Variants in EPHB1 observed in about 807,000 individuals in gnomAD.
The protein encoded by EPHB1 is ephrin type-B receptor 1.
Under a neutral mutation model 94.4 loss-of-function variants are expected in EPHB1, and 30 were observed. The observed-to-expected ratio is 0.32, with a 90% CI of 0.24 to 0.43. The LOEUF (loss-of-function observed/expected upper bound fraction) is 0.43, where lower values mean the gene tolerates loss of function less well. Ranked by LOEUF, EPHB1 falls within the 20% of genes least tolerant of loss-of-function variation. The pLI is 1.00. For missense variants in EPHB1, 1,055 were observed against 1,308.3 expected, an observed-to-expected ratio of 0.81 and a Z score of 2.99; for synonymous variants, 522 against 489.1, an observed-to-expected ratio of 1.07 and a Z score of -0.89.
intron 3 of EPHB1, among the ~76,000 whole-genome samples, chr3:135,077,905 A>T (rs1938003222): frequency 6.6e-6 from 1 of 152,242 alleles, no homozygotes; most frequent in Non-Finnish European, 1.5e-5. Context: ...ATTTACTTCC[A>T]TGTATAAACA....
intron 1 of EPHB1, among the ~76,000 whole-genome samples, chr3:134,906,249 G>A (rs1281527888): frequency 6.6e-6 from 1 of 152,222 alleles, no homozygotes; most frequent in East Asian, 1.9e-4. Context: ...CGAGGGGATA[G>A]CATCATAGAT....
intron 11 of EPHB1, among the ~76,000 whole-genome samples, chr3:135,194,948 C>T (rs1433109940): frequency 6.6e-6 from 1 of 152,196 alleles, no homozygotes; most frequent in Non-Finnish European, 1.5e-5. Flanking sequence ...CTCTCACTGT[C>T]CTTGCTGCCA....
intron 3 of EPHB1, among the ~76,000 whole-genome samples, chr3:135,030,567 G>A (rs1483777663): frequency 6.6e-6 from 1 of 152,212 alleles, no homozygotes; most frequent in Non-Finnish European, 1.5e-5. Flanking sequence ...CACTTGAGGA[G>A]GCAGTCTGCC....
chr3:134,922,907 G>T (rs1443571722), intron 1 of EPHB1, among the ~76,000 whole-genome samples: 1 of 152,240 alleles, frequency 6.6e-6, no homozygotes, highest in Non-Finnish European at 1.5e-5. Context: ...TCCGCCACAA[G>T]GATTCAGTTG....
chr3:135,003,383 G>A (rs572497749), intron 3 of EPHB1, among the ~76,000 whole-genome samples: 61 of 151,682 alleles, frequency 4.0e-4, no homozygotes, highest in East Asian at 3.9e-3. Context: ...TTCCAAGTAT[G>A]TGGTCAATTT....
intron 12 of EPHB1, among the ~76,000 whole-genome samples, chr3:135,232,032 G>T (rs558525123): frequency 2.6e-5 from 4 of 152,294 alleles, no homozygotes; most frequent in African/African-American, 9.6e-5. Flanking sequence ...GGGGAACTGG[G>T]AACAGCCTCT....
At chr3:134,835,884 G>T (rs927251742) in intron 1 of EPHB1, among the ~76,000 whole-genome samples, 1 of 152,164 alleles carries the variant, frequency 6.6e-6, no homozygotes, top group African/African-American at 2.4e-5. Context: ...TGCCCTGTGG[G>T]GTCCTTTGGT....
chr3:135,023,670 T>G (rs567382890), intron 3 of EPHB1, among the ~76,000 whole-genome samples: 1 of 152,364 alleles, frequency 6.6e-6, no homozygotes, highest in African/African-American at 2.4e-5. Context: ...TTTATGTTTT[T>G]AAATTTCACT....
intron 2 of EPHB1, among the ~76,000 whole-genome samples, chr3:134,930,893 T>C (rs1170554162): frequency 6.6e-6 from 1 of 152,206 alleles, no homozygotes. Flanking sequence ...GTAAGTTAAA[T>C]AACTGTTGAT....
intron 2 of EPHB1, among the ~76,000 whole-genome samples, chr3:134,931,874 GTATA>G (rs1297012362): frequency 6.6e-6 from 1 of 151,986 alleles, no homozygotes. Flanking sequence ...CTATGTGTCT[GTATA>G]TATGCATACA....
chr3:135,104,398 A>T (rs1000270093), intron 3 of EPHB1, among the ~76,000 whole-genome samples: 2 of 152,196 alleles, frequency 1.3e-5, no homozygotes, highest in African/African-American at 4.8e-5. Flanking sequence ...TTCATGTTTG[A>T]TGTGTTAGAT....
intron 12 of EPHB1, among the ~76,000 whole-genome samples, chr3:135,223,684 A>G (rs1487531965): frequency 6.6e-6 from 1 of 152,234 alleles, no homozygotes; most frequent in Non-Finnish European, 1.5e-5. Context: ...GCTTCTCTAT[A>G]AAAACAACTT....
At chr3:134,809,071 C>T (rs1177178709) in intron 1 of EPHB1, among the ~76,000 whole-genome samples, 1 of 152,236 alleles carries the variant, frequency 6.6e-6, no homozygotes, top group Non-Finnish European at 1.5e-5. Flanking sequence ...CCTTCTTTTT[C>T]ACTATTTCAA....
At chr3:134,986,037 T>C (rs1378817609) in intron 3 of EPHB1, among the ~76,000 whole-genome samples, 1 of 152,126 alleles carries the variant, frequency 6.6e-6, no homozygotes, top group Non-Finnish European at 1.5e-5. Flanking sequence ...TCACTCCCAA[T>C]AACTTGGGAA....
intron 5 of EPHB1, among the ~76,000 whole-genome samples, chr3:135,140,558 A>G (rs917557792): frequency 2.6e-5 from 4 of 152,234 alleles, no homozygotes; most frequent in African/African-American, 4.8e-5. Flanking sequence ...TTCCTTTATC[A>G]GGCACCTTTG....
At chr3:135,039,298 C>T (rs1031445360) in intron 3 of EPHB1, among the ~76,000 whole-genome samples, 1 of 152,220 alleles carries the variant, frequency 6.6e-6, no homozygotes. Flanking sequence ...GGTGTATTTA[C>T]AATCCCTGAG....
intron 1 of EPHB1, among the ~76,000 whole-genome samples, chr3:134,857,580 G>A (rs2037150602): frequency 2.0e-5 from 3 of 152,210 alleles, no homozygotes; most frequent in South Asian, 4.2e-4. Context: ...GGCCTGGTGG[G>A]TACTGTGGTT....
chr3:135,098,415 A>G (rs1938890403), intron 3 of EPHB1, among the ~76,000 whole-genome samples: 1 of 152,116 alleles, frequency 6.6e-6, no homozygotes, highest in Admixed American at 6.5e-5. Context: ...CACTTTTATA[A>G]TATTTTTCCA....
intron 3 of EPHB1, among the ~76,000 whole-genome samples, chr3:134,987,170 T>C (rs1934630544): frequency 6.6e-6 from 1 of 152,084 alleles, no homozygotes; most frequent in Non-Finnish European, 1.5e-5. Context: ...ATAATAATAA[T>C]AATTACTAAC....
Sources: allele counts gnomAD v4.1 joint callset (sites outside exome capture counted in the v4.1 genomes callset), GRCh38; gene constraint gnomAD v4.1.1; transcripts MANE v1.5; gene names NCBI Gene and HGNC (gene_info 2026-07-23, HGNC 2026-07-21).